Variants in NFKB1 observed in about 807,000 individuals in gnomAD.
NFKB1 encodes the protein nuclear factor NF-kappa-B p105 subunit.
A neutral mutation model predicts 105.1 loss-of-function variants in NFKB1; 9 were observed. The observed-to-expected ratio is 0.09, with a 90% confidence interval of 0.05 to 0.15. NFKB1 has a LOEUF of 0.15. Among genes scored for constraint, NFKB1 ranks in the 10% least tolerant of loss-of-function variants. NFKB1 has a pLI of 1.00. For missense variants in NFKB1, 830 were observed against 1,203.7 expected, an observed-to-expected ratio of 0.69 and a Z score of 4.59; for synonymous variants, 440 against 442.2, an observed-to-expected ratio of 1.00 and a Z score of 0.06.
Position 102,577,182 on chromosome 4 carries a change from G to C in NFKB1, c.571+143G>C, listed in dbSNP as rs150692807. ...TTTCCTTGCTCAGAAACCTTTGATGGCATCCTGCTACTTCTAGGATAAAAA... is the reference window on the plus strand; with the variant it reads ...TTTCCTTGCTCAGAAACCTTTGATGCCATCCTGCTACTTCTAGGATAAAAA... On this transcript the variant is annotated intron_variant, in intron 7 of 23. Coordinates refer to ENST00000226574, the MANE Select transcript of NFKB1 (RefSeq NM_003998.4). The C allele has an allele frequency of 1.9e-5, 15 of 793,674 alleles. No individual in the cohort carries two copies. The East Asian group carries it at 4.2e-4, about 22-fold the overall frequency. 49.2% of individuals were successfully genotyped at this position (793,674 alleles called of 1,614,324 possible).
At chr4:102,529,740 C>A in intron 2 of NFKB1, 96 bp from the exon 3 acceptor site, 1 of 881,378 alleles carries the variant, frequency 1.1e-6, no homozygotes, top group South Asian at 1.6e-5. Flanking sequence ...GCTTTAGTTT[C>A]ATTCCTATTA....
chr4:102,601,071 A>G (rs1375770828), intron 16 of NFKB1, 62 bp downstream of exon 16: 2 of 1,026,572 alleles, frequency 1.9e-6, no homozygotes, highest in South Asian at 1.4e-5. Flanking sequence ...TTCTTCTGTT[A>G]TGTTTGGGTG....
chr4:102,506,379 T>A (rs1321007956), intron 1 of NFKB1, among the ~76,000 whole-genome samples: 1 of 152,202 alleles, frequency 6.6e-6, no homozygotes, highest in Non-Finnish European at 1.5e-5. Context: ...TTATGTTACC[T>A]CTAGAATTAA....
intron 16 of NFKB1, among the ~76,000 whole-genome samples, chr4:102,605,689 A>G (rs1217394477): frequency 1.3e-5 from 2 of 152,234 alleles, no homozygotes; most frequent in African/African-American, 2.4e-5. Flanking sequence ...TTAAGTACCT[A>G]TTAGGTATCA....
At chr4:102,524,774 T>C (rs932123060) in intron 1 of NFKB1, among the ~76,000 whole-genome samples, 1 of 152,064 alleles carries the variant, frequency 6.6e-6, no homozygotes, top group Non-Finnish European at 1.5e-5. Flanking sequence ...GAGCGGGCAA[T>C]CTAGATCCCT....
At chr4:102,594,869 A>G (rs1406105651) in intron 12 of NFKB1, 23 bp from the exon 13 acceptor site, 1 of 1,545,578 alleles carries the variant, frequency 6.5e-7, no homozygotes, top group African/African-American at 1.4e-5. Context: ...ATGATGTTTC[A>G]TTTGTTTTAC....
intron 1 of NFKB1, among the ~76,000 whole-genome samples, chr4:102,502,367 C>T (rs1421816612): frequency 3.6e-5 from 5 of 138,086 alleles, no homozygotes; most frequent in African/African-American, 1.4e-4. Flanking sequence ...CCCCCCTCCC[C>T]CCCTCCGTGC....
chr4:102,592,409 C>T (rs1056239439), intron 11 of NFKB1, among the ~76,000 whole-genome samples: 1 of 152,082 alleles, frequency 6.6e-6, no homozygotes, highest in Non-Finnish European at 1.5e-5. Context: ...TTAAAAATTG[C>T]CACAACCACC....
At chr4:102,541,090 A>G (rs1560655493) in intron 5 of NFKB1, among the ~76,000 whole-genome samples, 1 of 152,088 alleles carries the variant, frequency 6.6e-6, no homozygotes, top group African/African-American at 2.4e-5. Flanking sequence ...GTGTTGTGGG[A>G]GGCTGTCTGA....
chr4:102,533,869 T>C lies in NFKB1; in HGVS notation c.143T>C (p.Leu48Ser). The C allele has an allele frequency of 1.2e-6, 2 of 1,612,602 alleles. No individual in the cohort carries two copies. Among genetic ancestry groups the C allele is most frequent in the Non-Finnish European group, 1.7e-6 (2 of 1,179,338 alleles). The stretch of plus-strand genomic sequence containing the variant: ...GCAGATGGCCCATACCTTCAAATAT[T>C]AGAGCAACCTAAACAGGTAAGATTA... ...PTADGPYLQI[L>S]EQPKQRGFRF... The change falls in exon 4 of 24, where the codon TTA becomes TCA. Residue 48 changes from leucine to serine, a missense_variant. Physicochemically the swap from Leu to Ser is moderately radical, Grantham distance 145. Coordinates refer to ENST00000226574, the MANE Select transcript of NFKB1 (RefSeq NM_003998.4).
rs145828590 is a variant in NFKB1, at chr4:102,609,964, T to C, written c.2228-611T>C. On this transcript the variant is annotated intron_variant, in intron 19 of 23. Transcript: ENST00000226574. ...TCTTTGAGTTACTTTGATGTTTTGTTTATTTGTTTGTTGTTTTTGTTTTTG... is the reference window on the plus strand; with the variant it reads ...TCTTTGAGTTACTTTGATGTTTTGTCTATTTGTTTGTTGTTTTTGTTTTTG... Among the ~76,000 whole-genome samples the C allele has an allele frequency of 2.9e-4, 44 of 152,228 alleles. No individual in the cohort carries two copies. The East Asian group carries it at 8.3e-3, about 29-fold the overall frequency.
At chr4:102,609,090 G>A (rs1191303635) in intron 19 of NFKB1, among the ~76,000 whole-genome samples, 3 of 146,304 alleles carry the variant, frequency 2.1e-5, no homozygotes, top group African/African-American at 7.5e-5. Context: ...GAGTTCAAGG[G>A]TGCAGTGAGC....
intron 5 of NFKB1, among the ~76,000 whole-genome samples, chr4:102,551,367 T>TGTATGCATGCGCGC (rs370790173): frequency 6.7e-6 from 1 of 150,094 alleles, no homozygotes; most frequent in Non-Finnish European, 1.5e-5. Flanking sequence ...TGTGTGTGTG[T>TGTATGCATGCGCGC]GCGCGCGCGC....
intron 17 of NFKB1, 71 bp downstream of exon 17, chr4:102,606,768 C>A: frequency 2.0e-6 from 3 of 1,470,422 alleles, no homozygotes; most frequent in Non-Finnish European, 2.8e-6. Context: ...ATTTGATAAA[C>A]GTGTGTTATT....
At chr4:102,615,716 C>T (rs1404030565) in intron 23 of NFKB1, among the ~76,000 whole-genome samples, 1 of 152,136 alleles carries the variant, frequency 6.6e-6, no homozygotes, top group Non-Finnish European at 1.5e-5. Context: ...GTTGATTAAA[C>T]AAATCAGTCA....
At chr4:102,587,323 AG>A (rs990832618) in intron 11 of NFKB1, among the ~76,000 whole-genome samples, 2 of 152,180 alleles carry the variant, frequency 1.3e-5, no homozygotes, top group African/African-American at 4.8e-5. Context: ...AGACTTTCTG[AG>A]GAAAAAAATA....
At chr4:102,577,915 C>G (rs1410609634) in intron 7 of NFKB1, 4 of 985,334 alleles carry the variant, frequency 4.1e-6, no homozygotes, top group Non-Finnish European at 2.4e-6. Flanking sequence ...ATAGATATTA[C>G]TGAAGTTCTG....
rs114681250 is a variant in NFKB1, at chr4:102,576,226, A to G, written c.408-650A>G. Among the ~76,000 whole-genome samples the G allele has an allele frequency of 4.8e-3, 738 of 152,338 alleles. 7 individuals are homozygous for G. The highest frequency in any genetic ancestry group is 0.01 in the Middle Eastern group (3 of 294). On this transcript the variant is annotated intron_variant, in intron 6 of 23. Coordinates refer to ENST00000226574, the MANE Select transcript of NFKB1 (RefSeq NM_003998.4). ...AATGGTCATAAATAATTCCAACCTT[A>G]TAGATAACTCAGGAGAAGATGAGAT... is the stretch of plus-strand genomic sequence containing the variant.
At chr4:102,551,375 C>CGCGCGCGT (rs1466013355) in intron 5 of NFKB1, among the ~76,000 whole-genome samples, 2 of 144,858 alleles carry the variant, frequency 1.4e-5, no homozygotes, top group Non-Finnish European at 3.0e-5. Flanking sequence ...TGTGCGCGCG[C>CGCGCGCGT]GCATGTGTGT....
Sources: gnomAD v4.1 joint callset for allele counts (sites outside exome capture counted in the v4.1 genomes callset) on GRCh38, gnomAD v4.1.1 for gene constraint, MANE v1.5 for transcripts, NCBI Gene and HGNC (gene_info 2026-07-23, HGNC 2026-07-21) for gene names.